SCLY: variants seen among roughly 807,000 people sequenced by gnomAD.
SCLY encodes putative selenocysteine lyase.
A neutral mutation model predicts 50.1 loss-of-function variants in SCLY; 38 were observed. The ratio of observed to expected loss-of-function variants is 0.76; its 90% CI spans 0.59 to 0.99. SCLY has a LOEUF of 0.99. SCLY is among the 50% of genes least tolerant of loss of function. The probability of loss-of-function intolerance (pLI) is 0.00; values close to 1 mark genes in which losing one functional copy is unlikely to be tolerated. For synonymous variants in SCLY, 243 were observed against 249.4 expected (o/e 0.97, Z 0.24); for missense variants, 600 against 620.0 (o/e 0.97, Z 0.34).
At chr2:238,096,697 C>T in intron 10 of SCLY, 104 bp from the exon 11 acceptor site, 1 of 1,249,604 alleles carries the variant, frequency 8.0e-7, no homozygotes, top group South Asian at 1.3e-5. Context: ...CACCAGGTGG[C>T]ACAGAGGGAG....
intron 4 of SCLY, among the ~76,000 whole-genome samples, chr2:238,074,309 A>C (rs1374806624): frequency 6.6e-6 from 1 of 151,992 alleles, no homozygotes; most frequent in African/African-American, 2.4e-5. Context: ...CCATCTCAAA[A>C]AAAAAAAAAA....
intron 6 of SCLY, chr2:238,082,917 T>TTCC: frequency 1.8e-5 from 4 of 227,202 alleles, no homozygotes; most frequent in Admixed American, 5.6e-5. Flanking sequence ...ATGCATTCTC[T>TTCC]TTCTTTTTTT....
intron 8 of SCLY, chr2:238,091,619 A>G (rs987513675): frequency 2.0e-5 from 5 of 252,388 alleles, no homozygotes; most frequent in African/African-American, 1.1e-4. Flanking sequence ...GGGGTGGCCA[A>G]TCCAGCACCT....
chr2:238,075,761 T>G (rs2065166765), intron 4 of SCLY, among the ~76,000 whole-genome samples: 1 of 152,180 alleles, frequency 6.6e-6, no homozygotes, highest in East Asian at 1.9e-4. Context: ...TTCTCTGTCT[T>G]GTTCAATTTA....
At chr2:238,095,482 C>T (rs2065421062) in intron 10 of SCLY, 1 of 152,168 alleles carries the variant, frequency 6.6e-6, no homozygotes. Flanking sequence ...TTTCTTCTTC[C>T]TGGATCACGC....
intron 5 of SCLY, 29 bp from the exon 6 acceptor site, chr2:238,082,016 C>G: frequency 6.2e-7 from 1 of 1,603,282 alleles, no homozygotes; most frequent in Non-Finnish European, 8.5e-7. Context: ...ATCGGAGCAA[C>G]ATACTCAACT....
At position 238,066,502 on chromosome 2, in the gene SCLY, G is replaced by A. The variant is rs532763864; in HGVS notation, c.203-1563G>A. On this transcript the variant is annotated intron_variant, in intron 2 of 11. Coordinates refer to ENST00000254663, the MANE Select transcript of SCLY (RefSeq NM_016510.7). The surrounding 1 kb of genome is among the most constrained non-coding windows in gnomAD (Gnocchi z 4.1). The stretch of plus-strand genomic sequence containing the variant: ...GTGCCCAAAATGTATTTGGGTTTTC[G>A]AGGCATTACTTTGTCCACTATGTGG... 1.3e-5 allele frequency among the ~76,000 whole-genome samples: 2 copies of A among 152,278 alleles called. No homozygotes were observed. Among genetic ancestry groups the A allele is most frequent in the African/African-American group, 4.8e-5 (2 of 41,560 alleles).
At chr2:238,074,104 C>A (rs969807114) in intron 4 of SCLY, among the ~76,000 whole-genome samples, 2 of 151,884 alleles carry the variant, frequency 1.3e-5, no homozygotes, top group Non-Finnish European at 2.9e-5. Flanking sequence ...GTCAGGAGTT[C>A]GAGACCAGCT....
intron 7 of SCLY, among the ~76,000 whole-genome samples, chr2:238,089,931 A>G (rs1056666984): frequency 6.6e-6 from 1 of 152,238 alleles, no homozygotes; most frequent in African/African-American, 2.4e-5. Flanking sequence ...AGACTTCATC[A>G]GAATTTAAAG....
chr2:238,084,905 A>AAAAAG (rs1448026062), intron 7 of SCLY, among the ~76,000 whole-genome samples: 1 of 134,182 alleles, frequency 7.5e-6, no homozygotes, highest in African/African-American at 2.9e-5. Context: ...AAAAAAAAAA[A>AAAAAG]AAAAAAGAAA....
chr2:238,061,872 A>G (rs990315408), intron 1 of SCLY, among the ~76,000 whole-genome samples: 3 of 152,032 alleles, frequency 2.0e-5, no homozygotes, highest in Admixed American at 6.6e-5. Flanking sequence ...AGGGGTATGC[A>G]TTTTCTGGTT....
rs1275352318 is a variant in SCLY, at chr2:238,083,563, A to G, written c.884+209A>G. ...GTCTCTTTGGGAATGATTGAAAGCA[A>G]TGAAGGAAATCTCTGTTTCTTTTAA... On this transcript the variant is annotated intron_variant, in intron 7 of 11. Transcript: ENST00000254663. The surrounding 1 kb of genome is among the most constrained non-coding windows in gnomAD (Gnocchi z 4.3). Among the ~76,000 whole-genome samples, 8 of 152,214 alleles carry G rather than the reference A, an allele frequency of 5.3e-5. No homozygotes were observed. The highest frequency in any genetic ancestry group is 1.7e-4 in the African/African-American group (7 of 41,458).
At chr2:238,077,950 TC>T (rs2065190092) in intron 4 of SCLY, among the ~76,000 whole-genome samples, 1 of 112,942 alleles carries the variant, frequency 8.9e-6, no homozygotes, top group Non-Finnish European at 1.8e-5. Flanking sequence ...TCCTGTAGAT[TC>T]TCTTTTTTTT....
chr2:238,065,781 T>A (rs2065066576), intron 2 of SCLY, among the ~76,000 whole-genome samples: 1 of 151,926 alleles, frequency 6.6e-6, no homozygotes, highest in Non-Finnish European at 1.5e-5. Context: ...TTCAAGCGAT[T>A]CTTCTGCCTC....
At position 238,096,786 on chromosome 2, in the gene SCLY, G is replaced by T. The variant is rs1574718790; in HGVS notation, c.1109-15G>T. 6.2e-7 allele frequency: 1 copy of T among 1,603,816 alleles called. No individual in the cohort carries two copies. Among genetic ancestry groups the T allele is most frequent in the East Asian group, 2.3e-5 (1 of 44,440 alleles). ...CTGGAGCCCCATCTCAGGGGCATGT[G>T]CTCTGTCTCCGCAGGCCACGTGGTG... On this transcript the variant is annotated splice_polypyrimidine_tract_variant and intron_variant, in intron 10 of 11. Coordinates refer to ENST00000254663, the MANE Select transcript of SCLY (RefSeq NM_016510.7).
At chr2:238,068,700 G>A (rs997064533) in intron 3 of SCLY, among the ~76,000 whole-genome samples, 73 of 152,300 alleles carry the variant, frequency 4.8e-4, no homozygotes, top group African/African-American at 1.4e-3. Flanking sequence ...TTCCATAAAG[G>A]TTTCCCCGTC....
Position 238,098,687 on chromosome 2 carries a change from A to C in SCLY, c.*332A>C, listed in dbSNP as rs1210183945. 2 of 419,658 alleles carry C rather than the reference A, an allele frequency of 4.8e-6. No individual in the cohort carries two copies. The highest frequency in any genetic ancestry group is 7.0e-5 in the East Asian group (2 of 28,676). 26.0% of individuals were successfully genotyped at this position (419,658 alleles called of 1,614,324 possible). On this transcript the variant is annotated 3_prime_UTR_variant, in exon 12 of 12. Transcript: ENST00000254663. ...GAACCGTCCTCCAGTGGTGAAGCGGAAACACTTAGCTTTATCCACCCTCCC... is the reference window on the plus strand; with the variant it reads ...GAACCGTCCTCCAGTGGTGAAGCGGCAACACTTAGCTTTATCCACCCTCCC...
At chr2:238,089,283 TTG>T (rs2065335069) in intron 7 of SCLY, among the ~76,000 whole-genome samples, 1 of 152,130 alleles carries the variant, frequency 6.6e-6, no homozygotes, top group South Asian at 2.1e-4. Context: ...TGTTCATAGA[TTG>T]GAAGATTCTA....
intron 8 of SCLY, 126 bp from the exon 9 acceptor site, chr2:238,093,735 T>C (rs2065393808): frequency 4.6e-6 from 4 of 879,056 alleles, no homozygotes; most frequent in East Asian, 5.3e-5. Flanking sequence ...TCAAAAAATA[T>C]GGTCTGTCTG....
Sources: allele counts gnomAD v4.1 joint callset (sites outside exome capture counted in the v4.1 genomes callset), GRCh38; gene constraint gnomAD v4.1.1; non-coding constraint Gnocchi (gnomAD v3.1); transcripts MANE v1.5; gene names NCBI Gene and HGNC (gene_info 2026-07-23, HGNC 2026-07-21).